The following ANXA9 variants were observed in gnomAD, a reference collection of about 807,000 sequenced individuals.
ANXA9 encodes the protein annexin A9, also known as annexin 31.
ANXA9 carries 47 observed loss-of-function variants against 51.8 expected under a neutral mutation model. The observed-to-expected ratio is 0.91, with a 90% confidence interval of 0.72 to 1.16. ANXA9 has a LOEUF of 1.16. Among genes scored for constraint, ANXA9 ranks in the 50% most tolerant of loss-of-function variants. The probability of loss-of-function intolerance (pLI) is 0.00; values close to 1 mark genes in which losing one functional copy is unlikely to be tolerated. For missense variants in ANXA9, 361 were observed against 424.7 expected, an observed-to-expected ratio of 0.85 and a Z score of 1.32; for synonymous variants, 154 against 168.7, an observed-to-expected ratio of 0.91 and a Z score of 0.68.
upstream of ANXA9, among the ~76,000 whole-genome samples, chr1:150,980,705 G>A (rs587632174): frequency 1.8e-4 from 26 of 146,378 alleles, no homozygotes; most frequent in East Asian, 1.3e-3. Flanking sequence ...TCAGCCTCCC[G>A]AGTAGCTGGG....
chr1:150,981,468 G>A (rs587645262), upstream of ANXA9, among the ~76,000 whole-genome samples: 6 of 152,298 alleles, frequency 3.9e-5, no homozygotes, highest in South Asian at 4.2e-4. Flanking sequence ...ATGGCGGGGC[G>A]GGGGCTCCAC....
chr1:150,984,546 G>T, intron 6 of ANXA9, 40 bp from the exon 7 acceptor site: 1 of 1,587,038 alleles, frequency 6.3e-7, no homozygotes, highest in South Asian at 1.1e-5. Context: ...CCATCCTAAT[G>T]ACACGGCCAG....
upstream of ANXA9, among the ~76,000 whole-genome samples, chr1:150,979,774 A>T (rs1671383237): frequency 6.6e-6 from 1 of 152,230 alleles, no homozygotes; most frequent in Non-Finnish European, 1.5e-5. Context: ...AACAGTTACC[A>T]TATAACAATA....
In ANXA9 at chr1:150,995,304, C is replaced by G; in HGVS notation, c.1020C>G (p.Cys340Trp). Residue 340 changes from cysteine (C) to tryptophan (W), a missense_variant, in exon 14 of 14, where the codon TGC becomes TGG. Coordinates refer to ENST00000368947, the MANE Select transcript of ANXA9 (RefSeq NM_003568.3). ...GDCQSALLAL[C>W]RAEDM is the part of the protein sequence containing the mutation. ...GCCAGTCAGCCCTCCTGGCCTTGTG[C>G]AGGGCTGAAGACATGTGAGACTTCC... The G allele has an allele frequency of 1.2e-6, 2 of 1,609,942 alleles. No individual in the cohort carries two copies. The highest frequency in any genetic ancestry group is 3.4e-5 in the Admixed American group (2 of 59,502).
upstream of ANXA9, among the ~76,000 whole-genome samples, chr1:150,980,641 G>A (rs376328034): frequency 1.2e-4 from 16 of 137,974 alleles, no homozygotes; most frequent in South Asian, 3.2e-3. Context: ...GTGCAGTGGC[G>A]CCATCTCAGC....
upstream of ANXA9, among the ~76,000 whole-genome samples, chr1:150,981,137 T>G (rs114950849): frequency 2.6e-4 from 40 of 152,200 alleles, no homozygotes; most frequent in African/African-American, 8.7e-4. Context: ...GAACCCTCAT[T>G]CTCCAGTTCT....
At chr1:150,987,096 G>T (rs755087726) in intron 9 of ANXA9, among the ~76,000 whole-genome samples, 8 of 152,116 alleles carry the variant, frequency 5.3e-5, no homozygotes, top group Non-Finnish European at 1.2e-4. Context: ...GGCCAGGCAT[G>T]GTGGCTTATA....
intron 5 of ANXA9, 65 bp from the exon 6 acceptor site, chr1:150,984,213 ACCT>A: frequency 1.3e-6 from 2 of 1,551,272 alleles, no homozygotes; most frequent in Non-Finnish European, 1.8e-6. Flanking sequence ...ATCTTCCCAA[ACCT>A]CCCCACACTT....
intron 12 of ANXA9, among the ~76,000 whole-genome samples, chr1:150,991,546 C>CT (rs1250648219): frequency 1.0e-4 from 13 of 126,252 alleles, no homozygotes; most frequent in East Asian, 4.9e-4. Context: ...TCTTCTTCTT[C>CT]TTTTTTTTTC....
intron 5 of ANXA9, 72 bp from the exon 6 acceptor site, chr1:150,984,209 C>G (rs1671493468): frequency 1.3e-6 from 2 of 1,552,904 alleles, no homozygotes; most frequent in East Asian, 2.2e-5. Flanking sequence ...CCAAATCTTC[C>G]CAAACCTCCC....
In ANXA9 at chr1:150,988,285, T is replaced by C; in HGVS notation, c.796T>C (p.Ser266Pro). 1 of 1,614,156 alleles carries C rather than the reference T, an allele frequency of 6.2e-7. No individual in the cohort carries two copies. Among genetic ancestry groups the C allele is most frequent in the Non-Finnish European group, 8.5e-7 (1 of 1,180,028 alleles). Residue 266 changes from serine to proline, a missense_variant and splice_region_variant, in exon 12 of 14, where the codon TCG (serine) becomes CCG (proline). Transcript: ENST00000368947. ...DAQVALLGLA[S>P]VIKNTPLYFA... ...CATCCTTCCATCTTTGTTTCCAGCTTCGGTGATCAAGAACACACCGCTGTA... is the reference window on the plus strand; with the variant it reads ...CATCCTTCCATCTTTGTTTCCAGCTCCGGTGATCAAGAACACACCGCTGTA...
upstream of ANXA9, among the ~76,000 whole-genome samples, chr1:150,977,364 G>C (rs1022940229): frequency 6.6e-6 from 1 of 152,186 alleles, no homozygotes; most frequent in Non-Finnish European, 1.5e-5. Context: ...GGGATGATGC[G>C]ACCAGCTTTG....
chr1:150,985,184 TCTCTCTCA>T (rs1169961907), intron 7 of ANXA9, among the ~76,000 whole-genome samples: 6 of 145,278 alleles, frequency 4.1e-5, no homozygotes, highest in African/African-American at 1.6e-4. Flanking sequence ...TCTCTCTCTC[TCTCTCTCA>T]CACACACACA....
In ANXA9 at chr1:150,988,336, C is replaced by T. The variant is rs1671618520; in HGVS notation, c.847C>T (p.Leu283Phe). 1.2e-6 allele frequency: 2 copies of T among 1,614,006 alleles called. No homozygotes were observed. The highest frequency in any genetic ancestry group is 2.2e-5 in the South Asian group (2 of 91,062). Residue 283 changes from leucine to phenylalanine, a missense_variant, in exon 12 of 14, where the codon CTC becomes TTC. Leu to Phe is a conservative substitution (Grantham distance 22, BLOSUM62 0). Coordinates refer to ENST00000368947, the MANE Select transcript of ANXA9 (RefSeq NM_003568.3). ...CTTTGCTGACAAACTTCATCAAGCC[C>T]TCCAGGTGAGAGGGGCACTCCTTTC... is the stretch of plus-strand genomic sequence containing the variant. ...LYFADKLHQA[L>F]QETEPNYQVL... is the part of the protein sequence containing the mutation.
At chr1:150,980,553 C>G (rs892354660), upstream of ANXA9, among the ~76,000 whole-genome samples, 1 of 149,864 alleles carries the variant, frequency 6.7e-6, no homozygotes, top group Non-Finnish European at 1.5e-5. Context: ...TTCTCTGCCA[C>G]ATGCAATTAC....
At chr1:150,979,577 TC>T (rs1671381050), upstream of ANXA9, among the ~76,000 whole-genome samples, 1 of 152,052 alleles carries the variant, frequency 6.6e-6, no homozygotes. Context: ...AGGCTGCACT[TC>T]CCAAGTGGGC....
intron 4 of ANXA9, 114 bp from the exon 5 acceptor site, chr1:150,983,860 GC>G: frequency 1.1e-6 from 1 of 951,564 alleles, no homozygotes; most frequent in East Asian, 2.7e-5. Context: ...GGGTGATATA[GC>G]CCCTGCTCCT....
At chr1:150,993,281 A>G (rs1408971535) in intron 12 of ANXA9, among the ~76,000 whole-genome samples, 1 of 151,592 alleles carries the variant, frequency 6.6e-6, no homozygotes, top group Non-Finnish European at 1.5e-5. Context: ...ATAATTCAGG[A>G]TTTTGATGAC....
chr1:150,984,220 C>G (rs1057046159), intron 5 of ANXA9, 61 bp from the exon 6 acceptor site: 1 of 1,565,076 alleles, frequency 6.4e-7, no homozygotes, highest in East Asian at 2.2e-5. Context: ...CAAACCTCCC[C>G]ACACTTCTGG....
Sources: allele counts gnomAD v4.1 joint callset (sites outside exome capture counted in the v4.1 genomes callset), GRCh38; gene constraint gnomAD v4.1.1; transcripts MANE v1.5; gene names NCBI Gene and HGNC (gene_info 2026-07-23, HGNC 2026-07-21).